DNAJC9: variants seen among roughly 807,000 people sequenced by gnomAD.
The protein encoded by DNAJC9 is dnaJ homolog subfamily C member 9.
DNAJC9 carries 18 observed loss-of-function variants against 32.4 expected under a neutral mutation model. The observed-to-expected ratio is 0.56, with a 90% CI of 0.38 to 0.82. The LOEUF is 0.82. Among genes scored for constraint, DNAJC9 ranks in the 40% least tolerant of loss-of-function variants. The pLI, the probability that DNAJC9 is intolerant of heterozygous loss-of-function variation, is 0.00. For missense variants in DNAJC9, 310 were observed against 321.8 expected (o/e 0.96, Z 0.28); for synonymous variants, 113 against 122.1 (o/e 0.93, Z 0.49).
At chr10:73,240,930 CTA>C, downstream of DNAJC9, 1 of 1,461,846 alleles carries the variant, frequency 6.8e-7, no homozygotes, top group Non-Finnish European at 9.3e-7. Flanking sequence ...TAATGTTACT[CTA>C]TGTCATCTGA....
chr10:73,239,259 T>C (rs2043890275), downstream of DNAJC9: 5 of 1,444,036 alleles, frequency 3.5e-6, no homozygotes, highest in South Asian at 6.1e-5. Flanking sequence ...GCTAAAATAT[T>C]ATCCTTTGTG....
intron 2 of DNAJC9, among the ~76,000 whole-genome samples, 199 bp downstream of exon 2, chr10:73,246,488 CT>C (rs2044011793): frequency 6.6e-6 from 1 of 152,138 alleles, no homozygotes; most frequent in Non-Finnish European, 1.5e-5. Context: ...TAAATCGGCC[CT>C]TTTCAGTGCA....
chr10:73,243,319 C>G lies in DNAJC9; in HGVS notation c.*81G>C. 2 of 1,532,574 alleles carry G rather than the reference C, an allele frequency of 1.3e-6. No individual in the cohort carries two copies. The highest frequency in any genetic ancestry group is 2.7e-5 in the African/African-American group (2 of 72,796). 94.9% of individuals were successfully genotyped at this position (1,532,574 alleles called of 1,614,324 possible). A position where few individuals can be genotyped will look rare whatever the true frequency, so the allele number is the denominator to read the frequency against. On this transcript the variant is annotated 3_prime_UTR_variant, in exon 5 of 5. Coordinates refer to ENST00000372950, the MANE Select transcript of DNAJC9 (RefSeq NM_015190.5). ...CACCTTTTCTCAAGAGCTGAATTGA[C>G]TTTTGCCTTCAAATCCTGCCTGCAC...
downstream of DNAJC9, among the ~76,000 whole-genome samples, chr10:73,240,575 G>C (rs996836744): frequency 6.6e-6 from 1 of 152,116 alleles, no homozygotes. Flanking sequence ...AGCCGGGTGT[G>C]GTGGCAGATG....
intron 1 of DNAJC9, 90 bp from the exon 2 acceptor site, chr10:73,246,918 C>G: frequency 1.3e-6 from 2 of 1,592,102 alleles, no homozygotes; most frequent in Non-Finnish European, 8.6e-7. Flanking sequence ...CCAAGCGGAG[C>G]TCAGCGCGCT....
At chr10:73,239,013 C>T (rs887733558), downstream of DNAJC9, 20 of 227,164 alleles carry the variant, frequency 8.8e-5, no homozygotes, top group Admixed American at 2.8e-4. Flanking sequence ...ATGAGACGAA[C>T]CCCCTTAGAA....
At chr10:73,237,732 T>A (rs1433279885), downstream of DNAJC9, among the ~76,000 whole-genome samples, 1 of 151,744 alleles carries the variant, frequency 6.6e-6, no homozygotes, top group Non-Finnish European at 1.5e-5. Context: ...AAACATTTCA[T>A]TTTTTTTAAG....
intron 2 of DNAJC9, 30 bp from the exon 3 acceptor site, chr10:73,246,206 T>C: frequency 6.3e-7 from 1 of 1,585,890 alleles, no homozygotes; most frequent in South Asian, 1.2e-5. Context: ...GCTTTAACTT[T>C]GGGAATTTTA....
chr10:73,246,097 T>C lies in DNAJC9; in HGVS notation c.401A>G (p.Tyr134Cys), dbSNP rs777532638. ...ATCCATGTCACCCTTGAAGTCCAGA[T>C]AGGCCTGCTTAATATCAGCCAGCTC... ...EEELADIKQAYLDFKGDMDQI... is the reference protein window; with the variant it reads ...EEELADIKQACLDFKGDMDQI... Residue 134 changes from tyrosine to cysteine, a missense_variant, in exon 3 of 5, where the codon TAT becomes TGT. By Grantham distance (194) the Tyr-to-Cys change is radical. Transcript: ENST00000372950. 6 of 1,613,950 alleles carry C rather than the reference T, an allele frequency of 3.7e-6. No homozygotes were observed. In the South Asian group the frequency reaches 4.4e-5, roughly 12 times the overall value.
At chr10:73,233,161 A>C (rs2043749872) in intron 2 of DNAJC9, 1 of 1,549,042 alleles carries the variant, frequency 6.5e-7, no homozygotes, top group African/African-American at 1.4e-5. Context: ...GAGGAGCCCG[A>C]GTGTAGGTTT....
At chr10:73,240,332 G>A (rs1472713749), downstream of DNAJC9, among the ~76,000 whole-genome samples, 1 of 152,132 alleles carries the variant, frequency 6.6e-6, no homozygotes, top group Non-Finnish European at 1.5e-5. Context: ...TCAGTTCCCC[G>A]CAGCATTGTC....
downstream of DNAJC9, chr10:73,234,836 C>T: frequency 6.4e-7 from 1 of 1,551,644 alleles, no homozygotes; most frequent in Non-Finnish European, 8.7e-7. Flanking sequence ...ACCCGACTCG[C>T]TCTCCTCTCC....
intron 2 of DNAJC9, 143 bp downstream of exon 2, chr10:73,246,545 C>T (rs1825247521): frequency 2.2e-6 from 2 of 896,762 alleles, no homozygotes; most frequent in Non-Finnish European, 3.5e-6. Flanking sequence ...AGTAAGCGTG[C>T]GTGTATCTGT....
chr10:73,246,171 A>C lies in DNAJC9; in HGVS notation c.327T>G (p.Ser109=). 1 of 1,601,470 alleles carries C rather than the reference A, an allele frequency of 6.2e-7. No homozygotes were observed. Among genetic ancestry groups the C allele is most frequent in the Admixed American group, 1.8e-5 (1 of 55,368 alleles). Residue 109 remains serine (S), a synonymous_variant, in exon 3 of 5, where the codon TCT becomes TCG. Coordinates refer to ENST00000372950, the MANE Select transcript of DNAJC9 (RefSeq NM_015190.5). ...TTTCAAAAGCTTGAATGTCCTCTAA[A>C]GATATCTGATGATAAAGGAGATTTG... ...AYWRLLFKKI[S]LEDIQAFEKT...
At position 73,246,981 on chromosome 10, in the gene DNAJC9, G is replaced by A. The variant is rs532140169; in HGVS notation, c.180+29C>T. The A allele has an allele frequency of 3.4e-5, 52 of 1,547,930 alleles. No homozygotes were observed. In the African/African-American group the frequency reaches 5.3e-4, roughly 16 times the overall value. ...AGGCTAGGGGGAGGCCCGCGCAGCC[G>A]GTCGGCTTCGGGGCGGGACCCTGCA... On this transcript the variant is annotated intron_variant, in intron 1 of 4. Coordinates refer to ENST00000372950, the MANE Select transcript of DNAJC9 (RefSeq NM_015190.5).
Position 73,232,820 on chromosome 10 carries a change from A to G in DNAJC9, n.147+11023T>C, listed in dbSNP as rs552009915. 7.5e-5 allele frequency: 48 copies of G among 637,724 alleles called. No homozygotes were observed. In the South Asian group the frequency reaches 8.7e-4, roughly 12 times the overall value. The allele number at this position is 637,724 out of a possible 1,614,324, so 39.5% of individuals were successfully genotyped here. ...TAGTGTTACTTATTGAAAGGTTTTT[A>G]TTTTTGCTTTATTTCCCCCTAAATG... On this transcript the variant is annotated intron_variant and non_coding_transcript_variant, in intron 2 of 2. Coordinates refer to the DNAJC9 transcript ENST00000469143.
At chr10:73,240,480 A>C (rs2043917861), downstream of DNAJC9, among the ~76,000 whole-genome samples, 3 of 152,192 alleles carry the variant, frequency 2.0e-5, no homozygotes, top group Non-Finnish European at 4.4e-5. Context: ...TCGGAGGCCA[A>C]GGCGGGCGGA....
rs1158662401 is a variant in DNAJC9, at chr10:73,242,144, TTA to T, written c.*1254_*1255del. Reference sequence around the variant, plus strand: ...GATGCTTCAAACAACCTGCATTAAATTATATTTTTAATAAAATTAAAATCTAT... The same window carrying T: ...GATGCTTCAAACAACCTGCATTAAATTATTTTTAATAAAATTAAAATCTAT... On this transcript the variant is annotated 3_prime_UTR_variant, in exon 5 of 5. Transcript: ENST00000372950. The T allele has an allele frequency of 1.3e-5, 2 of 152,210 alleles. No homozygotes were observed. The highest frequency in any genetic ancestry group is 4.8e-5 in the African/African-American group (2 of 41,464). The allele number at this position is 152,210 out of a possible 1,614,324, so 9.4% of individuals were successfully genotyped here. A position where few individuals can be genotyped will look rare whatever the true frequency, so the allele number is the denominator to read the frequency against.
downstream of DNAJC9, chr10:73,235,599 C>A: frequency 2.2e-6 from 1 of 459,986 alleles, no homozygotes; most frequent in Non-Finnish European, 3.5e-6. Flanking sequence ...CAGTACACAT[C>A]AGATAAGCAT....
Sources: allele counts gnomAD v4.1 joint callset (sites outside exome capture counted in the v4.1 genomes callset), GRCh38; gene constraint gnomAD v4.1.1; transcripts MANE v1.5; gene names NCBI Gene and HGNC (gene_info 2026-07-23, HGNC 2026-07-21).